The following NME7 variants were observed in gnomAD, a reference collection of about 807,000 sequenced individuals.
The protein encoded by NME7 is nucleoside diphosphate kinase 7.
A neutral mutation model predicts 49.1 loss-of-function variants in NME7; 41 were observed. The observed-to-expected ratio is 0.83, with a 90% CI of 0.65 to 1.08. NME7 has a LOEUF of 1.08. NME7 is among the 50% of genes least tolerant of loss of function. The probability of loss-of-function intolerance (pLI) is 0.00; values close to 1 mark genes in which losing one functional copy is unlikely to be tolerated. For synonymous variants in NME7, 139 were observed against 150.6 expected (o/e 0.92, Z 0.56); for missense variants, 423 against 463.4 (o/e 0.91, Z 0.80).
intron 11 of NME7, 161 bp downstream of exon 11, chr1:169,169,286 C>G (rs544175982): frequency 3.5e-6 from 2 of 575,434 alleles, no homozygotes; most frequent in South Asian, 3.9e-5. Context: ...AACAAACCAC[C>G]AGGGCACGTG....
chr1:169,235,578 CCT>C (rs1245381867), intron 8 of NME7, among the ~76,000 whole-genome samples: 1 of 152,084 alleles, frequency 6.6e-6, no homozygotes, highest in Non-Finnish European at 1.5e-5. Context: ...CTACACTACA[CCT>C]CTCTCTGAAT....
chr1:169,292,062 C>A (rs1650529213), intron 6 of NME7, among the ~76,000 whole-genome samples: 1 of 152,002 alleles, frequency 6.6e-6, no homozygotes, highest in African/African-American at 2.4e-5. Context: ...AATACATTTT[C>A]AACAAAGGTG....
At chr1:169,219,869 A>C (rs1479245536) in intron 10 of NME7, among the ~76,000 whole-genome samples, 3 of 152,230 alleles carry the variant, frequency 2.0e-5, no homozygotes, top group African/African-American at 2.4e-5. Context: ...TGAAATAAAT[A>C]AATATTTACT....
intron 10 of NME7, among the ~76,000 whole-genome samples, chr1:169,222,481 C>T (rs1661175062): frequency 6.6e-6 from 1 of 152,040 alleles, no homozygotes; most frequent in African/African-American, 2.4e-5. Flanking sequence ...ATAATGAAAT[C>T]TGTTTAAAAA....
intron 7 of NME7, among the ~76,000 whole-genome samples, chr1:169,251,003 T>C (rs1648548733): frequency 6.6e-6 from 1 of 152,064 alleles, no homozygotes; most frequent in Non-Finnish European, 1.5e-5. Flanking sequence ...TGTTCTAGAG[T>C]GCACTTTAGG....
chr1:169,250,860 T>C (rs1648540857), intron 7 of NME7, among the ~76,000 whole-genome samples: 3 of 152,120 alleles, frequency 2.0e-5, no homozygotes, highest in South Asian at 4.1e-4. Flanking sequence ...TTTCGATTTT[T>C]AAAAATTTAT....
At chr1:169,289,153 C>T (rs193030749) in intron 6 of NME7, among the ~76,000 whole-genome samples, 1 of 152,194 alleles carries the variant, frequency 6.6e-6, no homozygotes, top group East Asian at 1.9e-4. Flanking sequence ...GTTAATTATT[C>T]TCAGCCCTCA....
chr1:169,302,425 T>C (rs1168141545), intron 5 of NME7: 1 of 152,012 alleles, frequency 6.6e-6, no homozygotes, highest in Non-Finnish European at 1.5e-5. Context: ...CATGCTGCAA[T>C]AAAAAAGAAT....
At chr1:169,324,237 TG>T (rs1268050630) in intron 2 of NME7, among the ~76,000 whole-genome samples, 155 bp downstream of exon 2, 1 of 152,110 alleles carries the variant, frequency 6.6e-6, no homozygotes, top group East Asian at 1.9e-4. Flanking sequence ...CTTCTTATAT[TG>T]GAATTATAAT....
At chr1:169,300,239 A>C (rs372474564) in intron 5 of NME7, among the ~76,000 whole-genome samples, 2 of 152,140 alleles carry the variant, frequency 1.3e-5, no homozygotes, top group East Asian at 3.8e-4. Context: ...AATGCTATAA[A>C]CATATACAAA....
At chr1:169,182,078 C>T (rs1423145211) in intron 10 of NME7, among the ~76,000 whole-genome samples, 2 of 151,324 alleles carry the variant, frequency 1.3e-5, no homozygotes, top group African/African-American at 4.8e-5. Flanking sequence ...GCCTAATGCT[C>T]ACTGCAGCCT....
chr1:169,229,350 C>A (rs1000231484), intron 10 of NME7, among the ~76,000 whole-genome samples: 3 of 152,112 alleles, frequency 2.0e-5, no homozygotes, highest in South Asian at 2.1e-4. Context: ...TGCTTTAGAT[C>A]TTTTCTCATT....
chr1:169,252,266 G>A (rs1004934939), intron 7 of NME7, among the ~76,000 whole-genome samples: 1 of 151,744 alleles, frequency 6.6e-6, no homozygotes, highest in African/African-American at 2.4e-5. Flanking sequence ...ACTGGTGTGA[G>A]ATGGTATCTC....
intron 1 of NME7, among the ~76,000 whole-genome samples, chr1:169,367,157 G>T (rs1272892760): frequency 6.6e-6 from 1 of 151,286 alleles, no homozygotes; most frequent in Non-Finnish European, 1.5e-5. Flanking sequence ...AAAAAAAGAA[G>T]AAGAAAGAAA....
chr1:169,264,077 C>T (rs1649242865), intron 7 of NME7, among the ~76,000 whole-genome samples: 1 of 133,536 alleles, frequency 7.5e-6, no homozygotes, highest in Admixed American at 7.4e-5. Flanking sequence ...CTAGACCTGC[C>T]TTATAAGAGC....
intron 10 of NME7, among the ~76,000 whole-genome samples, chr1:169,201,962 A>C (rs970677623): frequency 6.6e-6 from 1 of 152,136 alleles, no homozygotes; most frequent in African/African-American, 2.4e-5. Flanking sequence ...GCAGGTAGGG[A>C]AATGGTGTTT....
intron 10 of NME7, among the ~76,000 whole-genome samples, chr1:169,224,354 C>G (rs1263323341): frequency 6.6e-6 from 1 of 152,176 alleles, no homozygotes; most frequent in Non-Finnish European, 1.5e-5. Context: ...ACAGGGAAAC[C>G]ATGCTTACCC....
chr1:169,136,918 T>C lies in NME7; in HGVS notation c.1099-4101A>G, dbSNP rs771748456. ...AATGGTTTTTAATGTTGATTGAGTATCAGAAATGCCTATGGAGTTATATTT... is the reference window on the plus strand; with the variant it reads ...AATGGTTTTTAATGTTGATTGAGTACCAGAAATGCCTATGGAGTTATATTT... On this transcript the variant is annotated intron_variant, in intron 11 of 11. Coordinates refer to ENST00000367811, the MANE Select transcript of NME7 (RefSeq NM_013330.5). 2.0e-5 allele frequency among the ~76,000 whole-genome samples: 3 copies of C among 152,228 alleles called. No individual in the cohort carries two copies. The East Asian group carries it at 5.8e-4, about 29-fold the overall frequency.
At chr1:169,160,927 C>A (rs186506094) in intron 11 of NME7, among the ~76,000 whole-genome samples, 1 of 152,286 alleles carries the variant, frequency 6.6e-6, no homozygotes, top group East Asian at 1.9e-4. Flanking sequence ...TCTGCCATAG[C>A]AATTCAGGAA....
Sources: allele counts gnomAD v4.1 joint callset (sites outside exome capture counted in the v4.1 genomes callset), GRCh38; gene constraint gnomAD v4.1.1; transcripts MANE v1.5; gene names NCBI Gene and HGNC (gene_info 2026-07-23, HGNC 2026-07-21).